Variants in SEPTIN9 observed in about 807,000 individuals in gnomAD.
SEPTIN9 encodes the protein septin 9.
A neutral mutation model predicts 56.6 loss-of-function variants in SEPTIN9; 13 were observed. That is an observed-to-expected ratio of 0.23 (90% confidence interval 0.15 to 0.37). The LOEUF is 0.37. SEPTIN9 is among the 10% of genes least tolerant of loss of function. The probability of loss-of-function intolerance (pLI) is 1.00; values close to 1 mark genes in which losing one functional copy is unlikely to be tolerated. For synonymous variants in SEPTIN9, 332 were observed against 334.1 expected, an observed-to-expected ratio of 0.99 and a Z score of 0.07; for missense variants, 650 against 823.1, an observed-to-expected ratio of 0.79 and a Z score of 2.57.
chr17:77,439,343 CCTCTCCCTGTCTAT>C, intron 3 of SEPTIN9, among the ~76,000 whole-genome samples: 1 of 152,162 alleles, frequency 6.6e-6, no homozygotes, highest in East Asian at 1.9e-4. Flanking sequence ...ATGGCACAGG[CCTCTCCCTGTCTAT>C]CTGCAGCCCT....
At chr17:77,391,724 CTTG>C (rs1555657371) in intron 2 of SEPTIN9, among the ~76,000 whole-genome samples, 1 of 152,206 alleles carries the variant, frequency 6.6e-6, no homozygotes, top group Non-Finnish European at 1.5e-5. Context: ...CTGGAGGTTC[CTTG>C]TAAAGGAATC....
Position 77,421,451 on chromosome 17 carries a change from G to A in SEPTIN9, c.721+18748G>A, listed in dbSNP as rs539103134. Reference sequence around the variant, plus strand: ...AGTCAACAGGAAGTCTTTTGGCTGCGGTGGAGGTGGGGGTCTGTGCTTCCC... The same window carrying A: ...AGTCAACAGGAAGTCTTTTGGCTGCAGTGGAGGTGGGGGTCTGTGCTTCCC... On this transcript the variant is annotated intron_variant, in intron 3 of 11. Transcript: ENST00000427177. This position sits in a 1 kb window ranked among gnomAD's most constrained non-coding sequence, Gnocchi z 4.6. 2.4e-4 allele frequency among the ~76,000 whole-genome samples: 36 copies of A among 152,284 alleles called. No homozygotes were observed. Among genetic ancestry groups the A allele is most frequent in the Admixed American group, 7.2e-4 (11 of 15,300 alleles).
chr17:77,305,099 C>T (rs954567930), intron 1 of SEPTIN9, among the ~76,000 whole-genome samples: 17 of 152,210 alleles, frequency 1.1e-4, no homozygotes, highest in Admixed American at 7.2e-4. Flanking sequence ...TGGAGATCTG[C>T]GCCGAGGTCT....
intron 7 of SEPTIN9, among the ~76,000 whole-genome samples, 155 bp downstream of exon 7, chr17:77,489,019 G>A (rs960443362): frequency 6.6e-6 from 1 of 151,228 alleles, no homozygotes; most frequent in Non-Finnish European, 1.5e-5. Context: ...GGTGTGCCAT[G>A]TCTGCACCTC....
At chr17:77,481,531 C>T (rs1032805380) in intron 3 of SEPTIN9, among the ~76,000 whole-genome samples, 15 of 152,086 alleles carry the variant, frequency 9.9e-5, no homozygotes, top group African/African-American at 1.7e-4. Context: ...TGGGGACCGA[C>T]GCTGGTTCTA....
Position 77,421,569 on chromosome 17 carries a change from G to A in SEPTIN9, c.721+18866G>A, listed in dbSNP as rs2036703088. 6.6e-6 allele frequency among the ~76,000 whole-genome samples: 1 copy of A among 152,194 alleles called. No individual in the cohort carries two copies. The highest frequency in any genetic ancestry group is 2.4e-5 in the African/African-American group (1 of 41,448). On this transcript the variant is annotated intron_variant, in intron 3 of 11. Coordinates refer to ENST00000427177, the MANE Select transcript of SEPTIN9 (RefSeq NM_001113491.2). This position sits in a 1 kb window ranked among gnomAD's most constrained non-coding sequence, Gnocchi z 4.6. ...GGTTTTGCTTCCTGTCCTGGGAGAAGGTATCCACATGTCCCAGAATGCACC... is the reference window on the plus strand; with the variant it reads ...GGTTTTGCTTCCTGTCCTGGGAGAAAGTATCCACATGTCCCAGAATGCACC...
chr17:77,349,085 C>T (rs2033977104), intron 2 of SEPTIN9, among the ~76,000 whole-genome samples: 1 of 151,930 alleles, frequency 6.6e-6, no homozygotes, highest in Admixed American at 6.6e-5. Context: ...TGCTGTCATT[C>T]TTTCTTTTTT....
At position 77,389,030 on chromosome 17, in the gene SEPTIN9, G is replaced by T. The variant is rs752223378; in HGVS notation, c.77-13029G>T. On this transcript the variant is annotated intron_variant, in intron 2 of 11. Coordinates refer to ENST00000427177, the MANE Select transcript of SEPTIN9 (RefSeq NM_001113491.2). The surrounding 1 kb of genome is among the most constrained non-coding windows in gnomAD (Gnocchi z 4.3). ...GATGCTGCCTGTGCCTGGCAGCTCT[G>T]TCCCGGGCCTCAGAACAGACACTGA... Among the ~76,000 whole-genome samples the T allele has an allele frequency of 6.6e-5, 10 of 151,986 alleles. No homozygotes were observed. The highest frequency in any genetic ancestry group is 8.8e-5 in the Non-Finnish European group (6 of 67,988).
At chr17:77,303,035 G>A (rs145225652) in intron 1 of SEPTIN9, among the ~76,000 whole-genome samples, 1 of 152,186 alleles carries the variant, frequency 6.6e-6, no homozygotes, top group Admixed American at 6.5e-5. Flanking sequence ...CCGGCCCATG[G>A]TGGGTCCCCG....
In SEPTIN9 at chr17:77,449,078, C is replaced by G. The variant is rs1055513017; in HGVS notation, c.722-33066C>G. On this transcript the variant is annotated intron_variant, in intron 3 of 11. Coordinates refer to ENST00000427177, the MANE Select transcript of SEPTIN9 (RefSeq NM_001113491.2). The surrounding 1 kb of genome is among the most constrained non-coding windows in gnomAD (Gnocchi z 4.6). ...GTATGACAGGCGTGAGCCACTGTGC[C>G]TGGCTTGTTCTTACATTTTTTATTG... Among the ~76,000 whole-genome samples, 1 of 152,172 alleles carries G rather than the reference C, an allele frequency of 6.6e-6. No individual in the cohort carries two copies. Among genetic ancestry groups the G allele is most frequent in the Non-Finnish European group, 1.5e-5 (1 of 68,034 alleles).
Position 77,498,187 on chromosome 17 carries a change from T to C in SEPTIN9, c.1626-336T>C, listed in dbSNP as rs375884. Among the ~76,000 whole-genome samples the C allele has an allele frequency of 0.94, 143,023 of 151,990 alleles. 67,432 individuals carry two copies. Among genetic ancestry groups the C allele is most frequent in the East Asian group, 1 (5,120 of 5,122 alleles). On this transcript the variant is annotated intron_variant, in intron 11 of 11. Transcript: ENST00000427177. ...CCTGGACACCGGCCTGGAGCAACAA[T>C]GCTCCAGCCCTGTCCCTCTGAGTCT...
In SEPTIN9 at chr17:77,327,335, C is replaced by G. The variant is rs1048633008; in HGVS notation, c.76+20138C>G. On this transcript the variant is annotated intron_variant, in intron 2 of 11. Coordinates refer to ENST00000427177, the MANE Select transcript of SEPTIN9 (RefSeq NM_001113491.2). This position sits in a 1 kb window ranked among gnomAD's most constrained non-coding sequence, Gnocchi z 5.0. ...CCCGTCTCTTGCTCTGGGCACCCCC[C>G]CACTCCGAACGGCCAGAGCTTCTGA... 1.3e-5 allele frequency among the ~76,000 whole-genome samples: 2 copies of G among 152,172 alleles called. No homozygotes were observed. Among genetic ancestry groups the G allele is most frequent in the Non-Finnish European group, 2.9e-5 (2 of 68,024 alleles).
chr17:77,488,552 G>A (rs1488680731), intron 6 of SEPTIN9, among the ~76,000 whole-genome samples, 175 bp from the exon 7 acceptor site: 1 of 152,202 alleles, frequency 6.6e-6, no homozygotes, highest in African/African-American at 2.4e-5. Flanking sequence ...AGCCCGGGGA[G>A]GCTGGTTTGG....
At chr17:77,452,395 C>G (rs966661422) in intron 3 of SEPTIN9, among the ~76,000 whole-genome samples, 1 of 152,240 alleles carries the variant, frequency 6.6e-6, no homozygotes, top group South Asian at 2.1e-4. Flanking sequence ...GTCCCAGTGA[C>G]TCTGGGGACT....
At chr17:77,484,647 G>C (rs1271623764) in intron 4 of SEPTIN9, among the ~76,000 whole-genome samples, 1 of 126,832 alleles carries the variant, frequency 7.9e-6, no homozygotes, top group Non-Finnish European at 1.7e-5. Flanking sequence ...ATTGTGATGG[G>C]GGTGGTGGTG....
chr17:77,423,283 G>A (rs146363329), intron 3 of SEPTIN9, among the ~76,000 whole-genome samples: 2,274 of 152,262 alleles, frequency 0.015, 45 homozygotes, highest in South Asian at 0.075. Context: ...CGATCCGCCC[G>A]CCTCAGCCTC....
chr17:77,397,745 A>G (rs1010371936), intron 2 of SEPTIN9, among the ~76,000 whole-genome samples: 9 of 151,984 alleles, frequency 5.9e-5, no homozygotes, highest in African/African-American at 2.2e-4. Context: ...TGCCTCCCGA[A>G]TTTAAGTGAT....
At chr17:77,384,842 AACACAC>A (rs146495461) in intron 2 of SEPTIN9, among the ~76,000 whole-genome samples, 18,307 of 142,056 alleles carry the variant, frequency 0.13, 1,379 homozygotes, top group African/African-American at 0.23. Context: ...AACCTGTTTA[AACACAC>A]ACACACACAC....
At chr17:77,379,295 T>C (rs1465867483) in intron 2 of SEPTIN9, among the ~76,000 whole-genome samples, 3 of 150,912 alleles carry the variant, frequency 2.0e-5, no homozygotes, top group African/African-American at 7.3e-5. Flanking sequence ...ACCGAGAGCC[T>C]GAGCCCCCAG....
Sources: gnomAD v4.1 joint callset for allele counts (sites outside exome capture counted in the v4.1 genomes callset) on GRCh38, gnomAD v4.1.1 for gene constraint, Gnocchi (gnomAD v3.1) non-coding constraint, MANE v1.5 for transcripts, NCBI Gene and HGNC (gene_info 2026-07-23, HGNC 2026-07-21) for gene names.